Variants in ITPKC observed in about 807,000 individuals in gnomAD.
ITPKC encodes IP3 3-kinase C.
A neutral mutation model predicts 67.1 loss-of-function variants in ITPKC; 33 were observed. That is an observed-to-expected ratio of 0.49 (90% CI 0.37 to 0.66). ITPKC has a LOEUF of 0.66. ITPKC is among the 30% of genes least tolerant of loss of function. The pLI is 0.00. For synonymous variants in ITPKC, 341 were observed against 359.8 expected (o/e 0.95, Z 0.59); for missense variants, 820 against 892.1 (o/e 0.92, Z 1.03).
At chr19:40,736,100 G>A (rs2082293100) in intron 4 of ITPKC, among the ~76,000 whole-genome samples, 1 of 152,106 alleles carries the variant, frequency 6.6e-6, no homozygotes, top group Non-Finnish European at 1.5e-5. Flanking sequence ...GACCATCCTG[G>A]CTAACATGGT....
intron 6 of ITPKC, among the ~76,000 whole-genome samples, 163 bp from the exon 7 acceptor site, chr19:40,739,194 A>G (rs547890260): frequency 6.6e-6 from 1 of 152,322 alleles, no homozygotes; most frequent in Admixed American, 6.5e-5. Context: ...AGGTTAAGAC[A>G]CCTGCCTAAG....
At chr19:40,737,383 G>C (rs1202168808) in intron 5 of ITPKC, among the ~76,000 whole-genome samples, 1 of 152,272 alleles carries the variant, frequency 6.6e-6, no homozygotes, top group Non-Finnish European at 1.5e-5. Context: ...AAGGCCTCTT[G>C]ATGCCTGGGC....
chr19:40,720,289 T>C (rs2082215369), intron 1 of ITPKC, among the ~76,000 whole-genome samples: 1 of 150,706 alleles, frequency 6.6e-6, no homozygotes, highest in Non-Finnish European at 1.5e-5. Flanking sequence ...ATCGCTTGAA[T>C]GTGGGAGGCG....
At chr19:40,719,808 T>A (rs1196852906) in intron 1 of ITPKC, among the ~76,000 whole-genome samples, 2 of 152,284 alleles carry the variant, frequency 1.3e-5, no homozygotes, top group African/African-American at 4.8e-5. Context: ...ATACTATTAT[T>A]ATCCCCTTTT....
chr19:40,724,264 C>G (rs1270343083), intron 1 of ITPKC, among the ~76,000 whole-genome samples: 3 of 152,132 alleles, frequency 2.0e-5, no homozygotes, highest in Non-Finnish European at 4.4e-5. Flanking sequence ...GTGGCACACG[C>G]CTGTAGTCCT....
rs1326462254 is a variant in ITPKC, at chr19:40,717,156, T to C, written c.21T>C (p.Arg7=). 8.2e-7 allele frequency: 1 copy of C among 1,226,430 alleles called. No individual in the cohort carries two copies. The highest frequency in any genetic ancestry group is 1.6e-5 in the African/African-American group (1 of 64,008). 76.0% of individuals were successfully genotyped at this position (1,226,430 alleles called of 1,614,324 possible). A position where few individuals can be genotyped will look rare whatever the true frequency, so the allele number is the denominator to read the frequency against. ...CGGGCATGAGGCGCTGCCCGTGCCG[T>C]GGGAGCCTGAACGAGGCGGAGGCCG... The part of the protein sequence containing the change: MRRCPC[R]GSLNEAEAGA... The change falls in exon 1 of 7, where the codon CGT becomes CGC. Residue 7 remains arginine, a synonymous_variant. Coordinates refer to ENST00000263370, the MANE Select transcript of ITPKC (RefSeq NM_025194.3).
At position 40,717,365 on chromosome 19, in the gene ITPKC, G is replaced by A. The variant is rs1032539966; in HGVS notation, c.230G>A (p.Gly77Glu). ...AGCGAGCCTGAGAGGGCCGGCCTCG[G>A]GCCTGCGCCGGGGACAGAGAGTCCG... ...LHSEPERAGL[G>E]PAPGTESPQA... Residue 77 changes from glycine (G) to glutamate (E), a missense_variant, in exon 1 of 7, where the codon GGG (glycine) becomes GAG (glutamate). Gly to Glu is a moderately conservative substitution (Grantham distance 98, BLOSUM62 -2). Transcript: ENST00000263370. The A allele has an allele frequency of 1.2e-6, 2 of 1,612,244 alleles. No homozygotes were observed. The highest frequency in any genetic ancestry group is 1.3e-5 in the African/African-American group (1 of 74,902).
chr19:40,718,926 C>T (rs1340658361), intron 1 of ITPKC, among the ~76,000 whole-genome samples: 1 of 152,196 alleles, frequency 6.6e-6, no homozygotes, highest in South Asian at 2.1e-4. Context: ...AAGGAGCCCC[C>T]TGAACACTCT....
chr19:40,725,230 C>G, intron 1 of ITPKC, 110 bp from the exon 2 acceptor site: 1 of 688,166 alleles, frequency 1.5e-6, no homozygotes, highest in Non-Finnish European at 2.6e-6. Flanking sequence ...CAGGAAGCCC[C>G]TGGCCCTGGA....
chr19:40,732,515 G>A (rs762408559), intron 3 of ITPKC, among the ~76,000 whole-genome samples: 22 of 128,992 alleles, frequency 1.7e-4, no homozygotes, highest in East Asian at 2.2e-4. Flanking sequence ...TAGCTCGGGC[G>A]GGCGTCAAAA....
intron 1 of ITPKC, among the ~76,000 whole-genome samples, chr19:40,722,484 C>T (rs1237388386): frequency 1.3e-5 from 2 of 152,058 alleles, no homozygotes; most frequent in African/African-American, 2.4e-5. Context: ...CTTAACCTTC[C>T]CACTGTCAAA....
At chr19:40,726,166 G>A (rs888056961) in intron 2 of ITPKC, among the ~76,000 whole-genome samples, 5 of 152,068 alleles carry the variant, frequency 3.3e-5, no homozygotes, top group Admixed American at 6.6e-5. Flanking sequence ...ACTTGAACCC[G>A]GGAGGTGAAG....
Position 40,722,221 on chromosome 19 carries a change from C to T in ITPKC, c.1156-3119C>T, listed in dbSNP as rs767409163. ...GATCCAACCAGAGCTAGAACCCCAG[C>T]GCTGTGTGGGGTGATGTTAGGTAAG... On this transcript the variant is annotated intron_variant, in intron 1 of 6. Coordinates refer to ENST00000263370, the MANE Select transcript of ITPKC (RefSeq NM_025194.3). Among the ~76,000 whole-genome samples, 130 of 152,040 alleles carry T rather than the reference C, an allele frequency of 8.6e-4. 2 individuals carry two copies. The highest frequency in any genetic ancestry group is 2.8e-4 in the Non-Finnish European group (19 of 68,006).
Position 40,718,186 on chromosome 19 carries a change from G to A in ITPKC, c.1051G>A (p.Glu351Lys). ...GCCAGTGGGACCCCCCTCCCGGGTT[G>A]AGGGGGGCAGCGGCGGCTTCTCCTC... ...AQPVGPPSRV[E>K]GGSGGFSSAS... The change falls in exon 1 of 7, where the codon GAG becomes AAG. Residue 351 changes from glutamate (E) to lysine (K), a missense_variant. Around this residue, in one of 2 missense-constraint regions of ITPKC, gnomAD observed 481 missense variants for 470.1 expected, o/e 1.02. Coordinates refer to ENST00000263370, the MANE Select transcript of ITPKC (RefSeq NM_025194.3). 1 of 1,582,300 alleles carries A rather than the reference G, an allele frequency of 6.3e-7. No homozygotes were observed. The highest frequency in any genetic ancestry group is 1.1e-5 in the South Asian group (1 of 89,186).
At chr19:40,734,387 G>A (rs987789737) in intron 4 of ITPKC, among the ~76,000 whole-genome samples, 4 of 151,522 alleles carry the variant, frequency 2.6e-5, no homozygotes, top group East Asian at 1.9e-4. Flanking sequence ...AGGACTCCTG[G>A]GTCAAAGCTT....
intron 3 of ITPKC, among the ~76,000 whole-genome samples, chr19:40,731,751 C>CT (rs1007118429): frequency 2.6e-5 from 4 of 151,508 alleles, no homozygotes; most frequent in Non-Finnish European, 4.4e-5. Context: ...TTTATGGAGG[C>CT]TTTAAGACAC....
chr19:40,731,617 T>TTG (rs2082271521), intron 3 of ITPKC, among the ~76,000 whole-genome samples: 1 of 135,240 alleles, frequency 7.4e-6, no homozygotes. Context: ...TTTTTTTTTT[T>TTG]TTTGAGAGGG....
At chr19:40,731,018 C>G (rs976693640) in intron 3 of ITPKC, among the ~76,000 whole-genome samples, 1 of 152,208 alleles carries the variant, frequency 6.6e-6, no homozygotes, top group African/African-American at 2.4e-5. Context: ...TTCGAAACTT[C>G]TGACTGATTG....
At chr19:40,725,126 A>T (rs1179945197) in intron 1 of ITPKC, among the ~76,000 whole-genome samples, 2 of 152,104 alleles carry the variant, frequency 1.3e-5, no homozygotes, top group African/African-American at 4.8e-5. Flanking sequence ...ATGGGCAAAG[A>T]ATTTCCCCTA....
Sources: gnomAD v4.1 joint callset for allele counts (sites outside exome capture counted in the v4.1 genomes callset) on GRCh38, gnomAD v4.1.1 for gene constraint, gnomAD v4.1.1 regional missense constraint, MANE v1.5 for transcripts, NCBI Gene and HGNC (gene_info 2026-07-23, HGNC 2026-07-21) for gene names.